The following CSPP1 variants were observed in gnomAD, a reference collection of about 807,000 sequenced individuals.
CSPP1 encodes centrosome and spindle pole-associated protein 1.
A neutral mutation model predicts 164.4 loss-of-function variants in CSPP1; 126 were observed. That is an observed-to-expected ratio of 0.77 (90% confidence interval 0.66 to 0.89). CSPP1 has a LOEUF of 0.89. Ranked by LOEUF, CSPP1 falls within the 40% of genes least tolerant of loss-of-function variation. CSPP1 has a pLI of 0.00. For synonymous variants in CSPP1, 472 were observed against 476.7 expected, an observed-to-expected ratio of 0.99 and a Z score of 0.13; for missense variants, 1,395 against 1,449.8, an observed-to-expected ratio of 0.96 and a Z score of 0.61.
chr8:67,178,484 CAGA>C (rs1276639544), intron 27 of CSPP1, among the ~76,000 whole-genome samples: 1 of 152,078 alleles, frequency 6.6e-6, no homozygotes, highest in Non-Finnish European at 1.5e-5. Context: ...GGTTACATTC[CAGA>C]AGGAGGGAGA....
chr8:67,153,596 G>A (rs778790350), intron 18 of CSPP1, among the ~76,000 whole-genome samples: 3 of 151,804 alleles, frequency 2.0e-5, no homozygotes, highest in Non-Finnish European at 4.4e-5. Flanking sequence ...TTTTAAAAAC[G>A]GTTTTAGAAA....
intron 3 of CSPP1, among the ~76,000 whole-genome samples, chr8:67,081,626 T>G (rs1251133990): frequency 6.6e-6 from 1 of 152,246 alleles, no homozygotes; most frequent in Non-Finnish European, 1.5e-5. Context: ...TTACTGGTAT[T>G]ATTAACAATA....
Position 67,111,263 on chromosome 8 carries a change from G to A in CSPP1, c.1094-709G>A, listed in dbSNP as rs117657090. ...TTTGATTAACTGGATTTTTGTATAA[G>A]GAATACCAAGGTGAGAGGTTTGTAT... On this transcript the variant is annotated intron_variant, in intron 9 of 30. Transcript: ENST00000678616. Among the ~76,000 whole-genome samples, 36 of 152,204 alleles carry A rather than the reference G, an allele frequency of 2.4e-4. No homozygotes were observed. In the East Asian group the frequency reaches 6.9e-3, roughly 29 times the overall value.
chr8:67,104,448 T>G (rs1034662481), intron 8 of CSPP1, among the ~76,000 whole-genome samples: 6 of 151,812 alleles, frequency 4.0e-5, no homozygotes, highest in Non-Finnish European at 7.4e-5. Context: ...AAAAATTTTT[T>G]TGTAGAGTCA....
intron 15 of CSPP1, among the ~76,000 whole-genome samples, chr8:67,122,896 TTG>T (rs143103294): frequency 1.9e-4 from 27 of 142,406 alleles, no homozygotes; most frequent in African/African-American, 5.5e-4. Flanking sequence ...GTGTGTGTGT[TTG>T]TGTGTGTGTG....
At chr8:67,180,031 A>C in intron 28 of CSPP1, 105 bp downstream of exon 28, 1 of 577,186 alleles carries the variant, frequency 1.7e-6, no homozygotes, top group Admixed American at 3.4e-5. Flanking sequence ...AGTAAAAAAA[A>C]AAAAAGGAAT....
chr8:67,179,790 T>C, intron 27 of CSPP1, 73 bp from the exon 28 acceptor site: 1 of 1,009,762 alleles, frequency 9.9e-7, no homozygotes, highest in Non-Finnish European at 1.6e-6. Context: ...AACTTGTGCC[T>C]CTTCTTAGTA....
At chr8:67,093,731 T>C in intron 6 of CSPP1, 90 bp downstream of exon 6, 1 of 725,356 alleles carries the variant, frequency 1.4e-6, no homozygotes, top group South Asian at 2.6e-5. Flanking sequence ...TTAGACATTT[T>C]ACTTTTTTTT....
chr8:67,157,410 C>T (rs1826885976), intron 19 of CSPP1, among the ~76,000 whole-genome samples: 1 of 152,066 alleles, frequency 6.6e-6, no homozygotes, highest in Middle Eastern at 3.4e-3. Flanking sequence ...ATTCTCCTGT[C>T]TCAGCCTCCT....
intron 19 of CSPP1, among the ~76,000 whole-genome samples, chr8:67,154,922 A>AT (rs1448112533): frequency 6.6e-6 from 1 of 152,218 alleles, no homozygotes; most frequent in African/African-American, 2.4e-5. Flanking sequence ...AAATCAATAG[A>AT]TTTTTTCCAA....
chr8:67,170,243 G>A (rs1342324880), intron 24 of CSPP1, among the ~76,000 whole-genome samples: 2 of 150,014 alleles, frequency 1.3e-5, no homozygotes, highest in Non-Finnish European at 3.0e-5. Context: ...TCAGGAGTTC[G>A]AGACCAGCCT....
intron 30 of CSPP1, among the ~76,000 whole-genome samples, chr8:67,193,926 AT>A (rs1190346524): frequency 6.6e-6 from 1 of 152,268 alleles, no homozygotes; most frequent in Non-Finnish European, 1.5e-5. Flanking sequence ...AAAGTAAAAC[AT>A]TATTAGAAAT....
chr8:67,083,548 A>AAAAAAATATATATATATATATAT (rs1332248754), intron 3 of CSPP1: 2 of 91,502 alleles, frequency 2.2e-5, no homozygotes, highest in African/African-American at 8.9e-5. Flanking sequence ...AAAAAAAAAA[A>AAAAAAATATATATATATATATAT]ATATATATAT....
At chr8:67,096,564 C>G (rs2129545732) in intron 7 of CSPP1, among the ~76,000 whole-genome samples, 1 of 146,520 alleles carries the variant, frequency 6.8e-6, no homozygotes, top group South Asian at 2.2e-4. Context: ...GACTCTGTCT[C>G]CAAAAAAAAA....
chr8:67,082,117 G>A (rs560370888), intron 3 of CSPP1, among the ~76,000 whole-genome samples: 3 of 152,186 alleles, frequency 2.0e-5, no homozygotes, highest in East Asian at 3.9e-4. Context: ...GCGCGATCTC[G>A]GCTCACTGCA....
intron 29 of CSPP1, among the ~76,000 whole-genome samples, chr8:67,192,231 C>A (rs903380151): frequency 1.6e-4 from 24 of 151,942 alleles, no homozygotes; most frequent in Admixed American, 1.6e-3. Flanking sequence ...CATGCCAACA[C>A]GCCTGGCTAA....
intron 1 of CSPP1, among the ~76,000 whole-genome samples, chr8:67,072,521 C>T (rs1807029531): frequency 6.6e-6 from 1 of 151,776 alleles, no homozygotes; most frequent in African/African-American, 2.4e-5. Flanking sequence ...ATAAAGAAAT[C>T]TTACAATTCA....
rs1806730713 is a variant in CSPP1 at position 67,071,358 on chromosome 8, T to C, written c.-10-2885T>C. Among the ~76,000 whole-genome samples, 8 of 151,742 alleles carry C rather than the reference T, an allele frequency of 5.3e-5. No individual in the cohort carries two copies. In the South Asian group the frequency reaches 1.7e-3, roughly 31 times the overall value. ...TTTCATATCCCTGTTTTAATTATTATTTAATTATTCCCTCTGTTTTTTTTT... is the reference window on the plus strand; with the variant it reads ...TTTCATATCCCTGTTTTAATTATTACTTAATTATTCCCTCTGTTTTTTTTT... On this transcript the variant is annotated intron_variant, in intron 1 of 30. Transcript: ENST00000678616.
chr8:67,166,890 T>C (rs1829421296), intron 24 of CSPP1, among the ~76,000 whole-genome samples: 1 of 152,162 alleles, frequency 6.6e-6, no homozygotes. Context: ...AGTGTTTGTG[T>C]CCCTGGGTAC....
Sources: allele counts gnomAD v4.1 joint callset (sites outside exome capture counted in the v4.1 genomes callset), GRCh38; gene constraint gnomAD v4.1.1; transcripts MANE v1.5; gene names NCBI Gene and HGNC (gene_info 2026-07-23, HGNC 2026-07-21).